MECOM: variants seen among roughly 807,000 people sequenced by gnomAD.
MECOM encodes the protein histone-lysine N-methyltransferase MECOM.
A neutral mutation model predicts 116.3 loss-of-function variants in MECOM; 13 were observed. The observed-to-expected ratio is 0.11, with a 90% CI of 0.07 to 0.18. The LOEUF is 0.18. Among genes scored for constraint, MECOM ranks in the 10% least tolerant of loss-of-function variants. The probability of loss-of-function intolerance (pLI) is 1.00; values close to 1 mark genes in which losing one functional copy is unlikely to be tolerated. For missense variants in MECOM, 1,299 were observed against 1,509.0 expected, an observed-to-expected ratio of 0.86 and a Z score of 2.31; for synonymous variants, 528 against 535.2, an observed-to-expected ratio of 0.99 and a Z score of 0.19.
chr3:169,237,535 G>A (rs933928467), intron 2 of MECOM, among the ~76,000 whole-genome samples: 1 of 145,890 alleles, frequency 6.9e-6, no homozygotes, highest in African/African-American at 2.6e-5. Context: ...TTGATGTGCT[G>A]TCCCTCCCTA....
At chr3:169,438,540 C>T (rs1743085293) in intron 1 of MECOM, among the ~76,000 whole-genome samples, 1 of 152,162 alleles carries the variant, frequency 6.6e-6, no homozygotes, top group Non-Finnish European at 1.5e-5. Context: ...TCCACCGATT[C>T]CCATCAGTCA....
chr3:169,201,164 G>A (rs184401725), intron 2 of MECOM, among the ~76,000 whole-genome samples: 2 of 152,168 alleles, frequency 1.3e-5, no homozygotes, highest in East Asian at 3.9e-4. Flanking sequence ...TTTACTTAAT[G>A]CACTTTGCAT....
At chr3:169,251,698 C>T (rs771366629) in intron 2 of MECOM, among the ~76,000 whole-genome samples, 5 of 152,044 alleles carry the variant, frequency 3.3e-5, no homozygotes, top group Admixed American at 3.3e-4. Flanking sequence ...AAATGTGGAC[C>T]GCACTACAGA....
chr3:169,283,907 A>G (rs1712710790), intron 2 of MECOM, among the ~76,000 whole-genome samples: 1 of 152,138 alleles, frequency 6.6e-6, no homozygotes, highest in Non-Finnish European at 1.5e-5. Flanking sequence ...ATTTCCCAAG[A>G]CTCATGGTTG....
intron 2 of MECOM, among the ~76,000 whole-genome samples, chr3:169,150,665 G>A (rs1297925949): frequency 3.3e-5 from 5 of 152,224 alleles, no homozygotes; most frequent in African/African-American, 1.2e-4. Context: ...ATTCATCAGT[G>A]ATGTTTAAAA....
intron 9 of MECOM, among the ~76,000 whole-genome samples, chr3:169,108,197 C>T (rs1045815780): frequency 3.3e-5 from 5 of 152,118 alleles, no homozygotes; most frequent in African/African-American, 7.2e-5. Flanking sequence ...TAAATGCTAC[C>T]TACTAGCAAA....
At chr3:169,350,676 T>C (rs538082510) in intron 2 of MECOM, among the ~76,000 whole-genome samples, 1 of 152,102 alleles carries the variant, frequency 6.6e-6, no homozygotes, top group African/African-American at 2.4e-5. Context: ...ATATATTATT[T>C]AAATTATACC....
At chr3:169,518,934 A>T (rs1417433032) in intron 1 of MECOM, among the ~76,000 whole-genome samples, 6 of 152,170 alleles carry the variant, frequency 3.9e-5, no homozygotes, top group Non-Finnish European at 5.9e-5. Context: ...CCATGATTTG[A>T]GGCCTCCCCA....
chr3:169,416,641 T>A (rs1738647373), intron 1 of MECOM, among the ~76,000 whole-genome samples: 1 of 150,738 alleles, frequency 6.6e-6, no homozygotes, highest in East Asian at 1.9e-4. Context: ...CTAGCTAGAC[T>A]AATAAGGAAG....
intron 10 of MECOM, 68 bp downstream of exon 10, chr3:169,107,858 T>G: frequency 5.3e-6 from 7 of 1,331,148 alleles, no homozygotes; most frequent in Non-Finnish European, 7.5e-6. Context: ...GTACAGCAAT[T>G]TAGAATGTAA....
chr3:169,128,847 G>T (rs1427129041), intron 4 of MECOM, among the ~76,000 whole-genome samples: 1 of 152,128 alleles, frequency 6.6e-6, no homozygotes, highest in African/African-American at 2.4e-5. Flanking sequence ...AAAATGTCAG[G>T]TAGTGATGGC....
At chr3:169,483,329 G>C in intron 1 of MECOM, among the ~76,000 whole-genome samples, 1 of 146,338 alleles carries the variant, frequency 6.8e-6, no homozygotes. Flanking sequence ...CTGAATCATT[G>C]AGAAAAGCAA....
intron 1 of MECOM, among the ~76,000 whole-genome samples, chr3:169,547,944 GAAC>G: frequency 6.6e-6 from 1 of 152,212 alleles, no homozygotes; most frequent in East Asian, 1.9e-4. Context: ...CTCCAGGAGG[GAAC>G]AAACTCTGCA....
Position 169,417,992 on chromosome 3 carries a change from G to A in MECOM, c.38-36468C>T, listed in dbSNP as rs1215512776. Among the ~76,000 whole-genome samples the A allele has an allele frequency of 2.0e-5, 3 of 151,366 alleles. No homozygotes were observed. The South Asian group carries it at 6.3e-4, about 32-fold the overall frequency. On this transcript the variant is annotated intron_variant, in intron 1 of 16. Coordinates refer to ENST00000651503, the MANE Select transcript of MECOM (RefSeq NM_004991.4). Reference sequence around the variant, plus strand: ...GGAGCGGGGAGGGATAGCATTAGGAGATATACCTAATGCTAAATGACGAGT... The same window carrying A: ...GGAGCGGGGAGGGATAGCATTAGGAAATATACCTAATGCTAAATGACGAGT...
chr3:169,463,017 A>G (rs1747714295), intron 1 of MECOM, among the ~76,000 whole-genome samples: 1 of 152,234 alleles, frequency 6.6e-6, no homozygotes, highest in African/African-American at 2.4e-5. Context: ...TGGCAAGCAT[A>G]AAAACTCATT....
intron 1 of MECOM, among the ~76,000 whole-genome samples, chr3:169,422,889 G>A (rs192918346): frequency 2.6e-5 from 4 of 152,086 alleles, no homozygotes; most frequent in African/African-American, 7.2e-5. Flanking sequence ...TACCAATTTT[G>A]TGGAGCTTGA....
chr3:169,300,632 G>C (rs1716531850), intron 2 of MECOM, among the ~76,000 whole-genome samples: 1 of 152,186 alleles, frequency 6.6e-6, no homozygotes, highest in Non-Finnish European at 1.5e-5. Flanking sequence ...TACCTTCTAA[G>C]TGTTCTCTTC....
At chr3:169,112,643 T>C in intron 9 of MECOM, 144 bp downstream of exon 9, 1 of 663,064 alleles carries the variant, frequency 1.5e-6, no homozygotes, top group East Asian at 2.6e-5. Context: ...TGGGTTTTAA[T>C]TCTGCTAGAA....
intron 2 of MECOM, among the ~76,000 whole-genome samples, chr3:169,359,177 T>A (rs1727787526): frequency 6.6e-6 from 1 of 151,784 alleles, no homozygotes. Context: ...TCATGGAAAC[T>A]GAAGGTGAAA....
Sources: gnomAD v4.1 joint callset for allele counts (sites outside exome capture counted in the v4.1 genomes callset) on GRCh38, gnomAD v4.1.1 for gene constraint, MANE v1.5 for transcripts, NCBI Gene and HGNC (gene_info 2026-07-23, HGNC 2026-07-21) for gene names.